OCA2: variants seen among roughly 807,000 people sequenced by gnomAD.
OCA2 encodes P protein.
In OCA2, 77 loss-of-function variants were observed where a neutral mutation model predicts 100.2. That is an observed-to-expected ratio of 0.77 (90% CI 0.64 to 0.93). The LOEUF (loss-of-function observed/expected upper bound fraction) is 0.93, where lower values mean the gene tolerates loss of function less well. Ranked by LOEUF, OCA2 falls within the 40% of genes least tolerant of loss-of-function variation. The pLI is 0.00. For synonymous variants in OCA2, 432 were observed against 439.2 expected, an observed-to-expected ratio of 0.98 and a Z score of 0.21; for missense variants, 1,062 against 1,089.1, an observed-to-expected ratio of 0.98 and a Z score of 0.35.
intron 2 of OCA2, among the ~76,000 whole-genome samples, chr15:28,055,230 G>C (rs2043653092): frequency 6.6e-6 from 1 of 152,148 alleles, no homozygotes; most frequent in South Asian, 2.1e-4. Flanking sequence ...TGTTGGTGTG[G>C]CATTATATAA....
intron 1 of OCA2, among the ~76,000 whole-genome samples, chr15:28,086,831 C>T (rs2044783674): frequency 6.6e-6 from 1 of 151,926 alleles, no homozygotes; most frequent in Non-Finnish European, 1.5e-5. Flanking sequence ...ATGGAGGGGA[C>T]AGAGAAAAGA....
chr15:27,870,834 GAAAGAA>G (rs2036537042), intron 21 of OCA2, among the ~76,000 whole-genome samples: 1 of 151,918 alleles, frequency 6.6e-6, no homozygotes, highest in Non-Finnish European at 1.5e-5. Flanking sequence ...GAAAGAAAGA[GAAAGAA>G]AGAGAGAAAG....
intron 18 of OCA2, among the ~76,000 whole-genome samples, chr15:27,943,680 A>AAAAC (rs1362806439): frequency 6.7e-6 from 1 of 149,960 alleles, no homozygotes; most frequent in Non-Finnish European, 1.5e-5. Context: ...TTAAAAAAAA[A>AAAAC]AAAAAAAAAA....
intron 2 of OCA2, among the ~76,000 whole-genome samples, chr15:28,066,855 G>A (rs181240284): frequency 5.9e-5 from 9 of 152,150 alleles, no homozygotes; most frequent in Admixed American, 1.3e-4. Flanking sequence ...ATCCTAATCC[G>A]GACATTCCTT....
the OCA2 span, among the ~76,000 whole-genome samples, chr15:27,722,832 T>C: frequency 2.0e-3 from 247 of 125,990 alleles, no homozygotes; most frequent in African/African-American, 5.4e-3. Flanking sequence ...CTCTCTCTCT[T>C]TCTCTCTTTC....
At chr15:28,058,245 G>A (rs1388562819) in intron 2 of OCA2, among the ~76,000 whole-genome samples, 1 of 152,236 alleles carries the variant, frequency 6.6e-6, no homozygotes, top group African/African-American at 2.4e-5. Context: ...GGTGGCTCTG[G>A]GTGCTGGTCC....
At chr15:27,759,598 A>C (rs954487474) in intron 23 of OCA2, among the ~76,000 whole-genome samples, 1 of 149,356 alleles carries the variant, frequency 6.7e-6, no homozygotes, top group Non-Finnish European at 1.5e-5. Flanking sequence ...ATATAGATAA[A>C]GCAGTCAATC....
At chr15:27,822,656 T>A (rs1022867817) in intron 23 of OCA2, among the ~76,000 whole-genome samples, 1 of 152,228 alleles carries the variant, frequency 6.6e-6, no homozygotes, top group Non-Finnish European at 1.5e-5. Flanking sequence ...AAGTTCCGCA[T>A]CTTTTCATAT....
the OCA2 span, among the ~76,000 whole-genome samples, chr15:27,736,636 A>G: frequency 6.6e-6 from 1 of 152,170 alleles, no homozygotes; most frequent in African/African-American, 2.4e-5. Flanking sequence ...TATGTTTACA[A>G]ATAAATCTGG....
At chr15:27,889,273 C>G (rs2037357765) in intron 19 of OCA2, among the ~76,000 whole-genome samples, 1 of 152,178 alleles carries the variant, frequency 6.6e-6, no homozygotes. Flanking sequence ...CATTTCAGAT[C>G]CCTCAACTCA....
At chr15:27,913,869 A>AAGAAAGAAAGAAAGAAAG (rs2038519338) in intron 19 of OCA2, among the ~76,000 whole-genome samples, 1 of 54,386 alleles carries the variant, frequency 1.8e-5, no homozygotes, top group African/African-American at 9.1e-5. Flanking sequence ...GAAAGAAAGA[A>AAGAAAGAAAGAAAGAAAG]AGAAAGAAAG....
chr15:28,050,875 A>G (rs1370695793), intron 2 of OCA2, among the ~76,000 whole-genome samples: 1 of 152,098 alleles, frequency 6.6e-6, no homozygotes, highest in East Asian at 1.9e-4. Flanking sequence ...ACTAGGGAAA[A>G]TGAAACCGGT....
intron 2 of OCA2, among the ~76,000 whole-genome samples, chr15:28,070,318 G>T (rs2044200136): frequency 7.0e-6 from 1 of 142,486 alleles, no homozygotes; most frequent in South Asian, 2.3e-4. Flanking sequence ...GGTGGGGGGG[G>T]GTCAGCCCCC....
intron 2 of OCA2, among the ~76,000 whole-genome samples, chr15:28,054,526 G>A (rs2043627104): frequency 6.6e-6 from 1 of 152,104 alleles, no homozygotes; most frequent in Non-Finnish European, 1.5e-5. Context: ...CCCTGACACA[G>A]GGCCCAAATG....
At chr15:28,031,489 C>T (rs1420338046) in intron 3 of OCA2, among the ~76,000 whole-genome samples, 1 of 152,260 alleles carries the variant, frequency 6.6e-6, no homozygotes, top group African/African-American at 2.4e-5. Context: ...GCATCTGTAA[C>T]TTGCCCTCCA....
chr15:27,924,744 T>G (rs2038984067), intron 19 of OCA2, among the ~76,000 whole-genome samples: 1 of 151,880 alleles, frequency 6.6e-6, no homozygotes, highest in Admixed American at 6.6e-5. Flanking sequence ...AAGAAAGCAG[T>G]AAAAGATAAA....
At chr15:28,091,044 G>A (rs11857889) in intron 1 of OCA2, among the ~76,000 whole-genome samples, 6,276 of 152,174 alleles carry the variant, frequency 0.041, 429 homozygotes, top group African/African-American at 0.14. Flanking sequence ...AAGAATAATA[G>A]TGGTATATCA....
intron 2 of OCA2, among the ~76,000 whole-genome samples, chr15:28,072,607 A>C (rs796199754): frequency 0.067 from 10,044 of 150,286 alleles, 1,093 homozygotes; most frequent in African/African-American, 0.22. Flanking sequence ...AAAAAAAAAA[A>C]AACAAGTAAC....
At chr15:28,044,643 T>A (rs1301105598) in intron 2 of OCA2, among the ~76,000 whole-genome samples, 1 of 152,238 alleles carries the variant, frequency 6.6e-6, no homozygotes, top group Non-Finnish European at 1.5e-5. Context: ...CCAACTATGA[T>A]TCTTTCTTGT....
Sources: allele counts gnomAD v4.1 joint callset (sites outside exome capture counted in the v4.1 genomes callset), GRCh38; gene constraint gnomAD v4.1.1; transcripts MANE v1.5; gene names NCBI Gene and HGNC (gene_info 2026-07-23, HGNC 2026-07-21).